The following PADI4 variants were observed in gnomAD, a reference collection of about 807,000 sequenced individuals.
PADI4 encodes peptidyl arginine deiminase 4.
PADI4 carries 62 observed loss-of-function variants against 75.0 expected under a neutral mutation model. The observed-to-expected ratio is 0.83, with a 90% CI of 0.67 to 1.02. The LOEUF (loss-of-function observed/expected upper bound fraction) is 1.02. PADI4 is among the 50% of genes least tolerant of loss of function. PADI4 has a pLI of 0.00. For synonymous variants in PADI4, 361 were observed against 348.1 expected (o/e 1.04, Z -0.41); for missense variants, 845 against 850.5 (o/e 0.99, Z 0.08).
At chr1:17,322,253 C>G (rs892479492) in intron 1 of PADI4, among the ~76,000 whole-genome samples, 1 of 152,160 alleles carries the variant, frequency 6.6e-6, no homozygotes, top group African/African-American at 2.4e-5. Context: ...TTTGGGAGGC[C>G]AAGGCGGGTG....
chr1:17,316,786 G>A (rs990515771), intron 1 of PADI4, among the ~76,000 whole-genome samples: 9 of 149,302 alleles, frequency 6.0e-5, no homozygotes, highest in African/African-American at 2.0e-4. Context: ...CCCCCCACCC[G>A]TCTCCCCTGC....
intron 3 of PADI4, 32 bp from the exon 4 acceptor site, chr1:17,336,127 C>G: frequency 6.4e-7 from 1 of 1,554,940 alleles, no homozygotes; most frequent in South Asian, 1.1e-5. Context: ...CGGACCCTCA[C>G]CAACCTCTCC....
In PADI4 at chr1:17,363,732, A is replaced by G; in HGVS notation, c.1969A>G (p.Lys657Glu). 3.7e-6 allele frequency: 6 copies of G among 1,613,610 alleles called. No homozygotes were observed. The highest frequency in any genetic ancestry group is 5.1e-6 in the Non-Finnish European group (6 of 1,179,482). The change falls in exon 16 of 16, where the codon AAG becomes GAG. Residue 657 changes from lysine to glutamate, a missense_variant. By Grantham distance (56) the Lys-to-Glu change is moderately conservative. Coordinates refer to ENST00000375448, the MANE Select transcript of PADI4 (RefSeq NM_012387.3). ...CGTGCGCAGAAAGCCCTTCTCCTTC[A>G]AGTGGTGGAACATGGTGCCCTGAGC... ...TNVRRKPFSFKWWNMVP is the reference protein window; with the variant it reads ...TNVRRKPFSFEWWNMVP
At chr1:17,362,896 G>A (rs774209543) in intron 15 of PADI4, among the ~76,000 whole-genome samples, 7 of 151,718 alleles carry the variant, frequency 4.6e-5, no homozygotes, top group African/African-American at 9.7e-5. Flanking sequence ...GAATGATCTC[G>A]GCTCACTGAA....
intron 6 of PADI4, 151 bp from the exon 7 acceptor site, chr1:17,341,792 C>T (rs554373996): frequency 6.5e-6 from 4 of 618,544 alleles, no homozygotes; most frequent in African/African-American, 5.5e-5. Flanking sequence ...GTCCTTTTCT[C>T]CTAAGGGGAC....
rs537541392 is a variant in PADI4, at chr1:17,328,173, G to A, written c.93-2796G>A. 2.0e-5 allele frequency among the ~76,000 whole-genome samples: 3 copies of A among 152,008 alleles called. No homozygotes were observed. In the South Asian group the frequency reaches 6.2e-4, roughly 32 times the overall value. ...TGAGTATCCATGACTACAGGCACAAGCCACCATACCCAGCTAATTGTTTTA... is the reference window on the plus strand; with the variant it reads ...TGAGTATCCATGACTACAGGCACAAACCACCATACCCAGCTAATTGTTTTA... On this transcript the variant is annotated intron_variant, in intron 1 of 15. Coordinates refer to ENST00000375448, the MANE Select transcript of PADI4 (RefSeq NM_012387.3).
At chr1:17,337,921 T>TAATAAATA (rs1238372123) in intron 4 of PADI4, 117 bp from the exon 5 acceptor site, 2 of 434,820 alleles carry the variant, frequency 4.6e-6, no homozygotes, top group Admixed American at 7.8e-5. Context: ...CTCAAAAAAA[T>TAATAAATA]AATAAATAAA....
chr1:17,337,351 G>A (rs2074332198), intron 4 of PADI4, among the ~76,000 whole-genome samples: 1 of 152,036 alleles, frequency 6.6e-6, no homozygotes, highest in African/African-American at 2.4e-5. Flanking sequence ...TCGCCATGTT[G>A]GCCAGGCTGG....
In PADI4 at chr1:17,349,974, G is replaced by C. The variant is rs575599050; in HGVS notation, c.1155+1926G>C. On this transcript the variant is annotated intron_variant, in intron 10 of 15. Transcript: ENST00000375448. ...GCTTGCAGTGCTGTTCCCTGTTCAC[G>C]GGGCTGGCTGCTTCTCAGCCTTCAG... Among the ~76,000 whole-genome samples the C allele has an allele frequency of 6.5e-5, 8 of 123,532 alleles. 3 individuals are homozygous for C. The highest frequency in any genetic ancestry group is 3.3e-4 in the South Asian group (1 of 3,038). The allele number at this position is 123,532 out of a possible 152,430, so 81.0% of individuals were successfully genotyped here.
At chr1:17,357,949 A>G (rs755575459) in intron 13 of PADI4, among the ~76,000 whole-genome samples, 1 of 146,744 alleles carries the variant, frequency 6.8e-6, no homozygotes, top group Non-Finnish European at 1.5e-5. Flanking sequence ...AAAAAAAAAC[A>G]AGAAAATATT....
At chr1:17,310,242 C>T (rs968593760) in intron 1 of PADI4, among the ~76,000 whole-genome samples, 5 of 152,032 alleles carry the variant, frequency 3.3e-5, no homozygotes, top group Non-Finnish European at 7.4e-5. Context: ...AACAGAGGCT[C>T]CAAGAAGTTA....
At chr1:17,349,787 T>A (rs376321029) in intron 10 of PADI4, among the ~76,000 whole-genome samples, 1 of 105,202 alleles carries the variant, frequency 9.5e-6, no homozygotes. Flanking sequence ...GGAGAAAAAG[T>A]CACACTCAGC....
rs1163696222 is a variant in PADI4 at position 17,363,708 on chromosome 1, G to A, written c.1945G>A (p.Val649Met). 11 of 1,614,156 alleles carry A rather than the reference G, an allele frequency of 6.8e-6. No individual in the cohort carries two copies. Among genetic ancestry groups the A allele is most frequent in the South Asian group, 1.1e-5 (1 of 91,090 alleles). ...RHGEVHCGTN[V>M]RRKPFSFKWW... ...TGGGGAGGTGCACTGCGGCACCAAC[G>A]TGCGCAGAAAGCCCTTCTCCTTCAA... The change falls in exon 16 of 16, where the codon GTG becomes ATG. Residue 649 changes from valine (V) to methionine (M), a missense_variant. Physicochemically the swap from Val to Met is conservative, Grantham distance 21. Coordinates refer to ENST00000375448, the MANE Select transcript of PADI4 (RefSeq NM_012387.3).
At chr1:17,352,555 C>T (rs553172823) in intron 10 of PADI4, among the ~76,000 whole-genome samples, 6 of 152,164 alleles carry the variant, frequency 3.9e-5, no homozygotes, top group African/African-American at 1.2e-4. Flanking sequence ...AGGTGAGAAG[C>T]CATGAGATTC....
At position 17,356,718 on chromosome 1, in the gene PADI4, T is replaced by G. The variant is rs971091736; in HGVS notation, c.1558+259T>G. On this transcript the variant is annotated intron_variant, in intron 13 of 15. Coordinates refer to ENST00000375448, the MANE Select transcript of PADI4 (RefSeq NM_012387.3). This position sits in a 1 kb window ranked among gnomAD's most constrained non-coding sequence, Gnocchi z 4.1. ...TGAGGGGTGTCTGAGTGGATGGAGC[T>G]CAGGGAAGGCTTCTTGGAGGAGGCA... is the stretch of plus-strand genomic sequence containing the variant. 6.6e-6 allele frequency among the ~76,000 whole-genome samples: 1 copy of G among 151,506 alleles called. No homozygotes were observed. Among genetic ancestry groups the G allele is most frequent in the African/African-American group, 2.4e-5 (1 of 41,164 alleles).
chr1:17,351,971 GGAGGTGATGGGAGGA>G (rs2074641586), intron 10 of PADI4, among the ~76,000 whole-genome samples: 1 of 53,680 alleles, frequency 1.9e-5, no homozygotes. Flanking sequence ...AGGCGGCCAG[GGAGGTGATGGGAGGA>G]GAGGCAGTCA....
rs1402958415 is a variant in PADI4 at position 17,363,617 on chromosome 1, C to T, written c.1854C>T (p.Ser618=). 2 of 1,614,158 alleles carry T rather than the reference C, an allele frequency of 1.2e-6. No individual in the cohort carries two copies. Reference sequence around the variant, plus strand: ...GCTGCCTGGAGGAGAAGGTGTGTTCCCTGCTGGAGCCACTGGGCCTCCAGT... The same window carrying T: ...GCTGCCTGGAGGAGAAGGTGTGTTCTCTGCTGGAGCCACTGGGCCTCCAGT... ...GRCCLEEKVC[S]LLEPLGLQCT... is the part of the protein sequence containing the mutation. Residue 618 remains serine (S), a synonymous_variant, in exon 16 of 16, where the codon TCC becomes TCT. Transcript: ENST00000375448.
chr1:17,316,954 T>C (rs1415399231), intron 1 of PADI4, among the ~76,000 whole-genome samples: 2 of 152,120 alleles, frequency 1.3e-5, no homozygotes, highest in African/African-American at 4.8e-5. Context: ...CTGCCGTGAA[T>C]GTTCAGCCGA....
chr1:17,349,194 T>G (rs915761201), intron 10 of PADI4, among the ~76,000 whole-genome samples: 3 of 152,230 alleles, frequency 2.0e-5, no homozygotes, highest in Non-Finnish European at 4.4e-5. Flanking sequence ...GACTTTGCCC[T>G]CTTTCTGCTG....
Sources: allele counts gnomAD v4.1 joint callset (sites outside exome capture counted in the v4.1 genomes callset), GRCh38; gene constraint gnomAD v4.1.1; non-coding constraint Gnocchi (gnomAD v3.1); transcripts MANE v1.5; gene names NCBI Gene and HGNC (gene_info 2026-07-23, HGNC 2026-07-21).